Variants in PPP1R1C observed in about 807,000 individuals in gnomAD.
PPP1R1C encodes the protein protein phosphatase 1 regulatory subunit 1C.
PPP1R1C carries 15 observed loss-of-function variants against 17.4 expected under a neutral mutation model. The observed-to-expected ratio is 0.86, with a 90% CI of 0.58 to 1.33. The LOEUF (loss-of-function observed/expected upper bound fraction) is 1.33. Ranked by LOEUF, PPP1R1C falls within the 40% of genes most tolerant of loss-of-function variation. The pLI is 0.00. For missense variants in PPP1R1C, 143 were observed against 130.0 expected, an observed-to-expected ratio of 1.10 and a Z score of -0.48; for synonymous variants, 35 against 43.1, an observed-to-expected ratio of 0.81 and a Z score of 0.73.
intron 2 of PPP1R1C, among the ~76,000 whole-genome samples, chr2:182,014,904 T>C (rs183796895): frequency 6.6e-6 from 1 of 151,476 alleles, no homozygotes; most frequent in East Asian, 2.0e-4. Flanking sequence ...AGTCAGCTTG[T>C]AGTGAACGCT....
At chr2:182,020,387 T>C in intron 2 of PPP1R1C, among the ~76,000 whole-genome samples, 1 of 152,192 alleles carries the variant, frequency 6.6e-6, no homozygotes, top group Non-Finnish European at 1.5e-5. Context: ...ACTGTGCAAC[T>C]TGTACTTTCC....
intron 1 of PPP1R1C, among the ~76,000 whole-genome samples, chr2:181,969,046 T>G (rs976008004): frequency 6.6e-5 from 10 of 152,186 alleles, no homozygotes; most frequent in Admixed American, 2.6e-4. Flanking sequence ...TATTTGTGTC[T>G]TATTGTACTT....
intron 2 of PPP1R1C, among the ~76,000 whole-genome samples, chr2:182,036,277 G>A (rs1361367817): frequency 2.0e-5 from 3 of 152,104 alleles, no homozygotes; most frequent in Admixed American, 6.5e-5. Context: ...TATGTGACTT[G>A]CTTCTTTTAT....
rs576654942 is a variant in PPP1R1C at position 182,073,545 on chromosome 2, A to G, written c.241+9754A>G. ...CTAATACAGTCCCTGTTTATATGAAAAATGTTGTCAAATGAAAAAGAAAGT... is the reference window on the plus strand; with the variant it reads ...CTAATACAGTCCCTGTTTATATGAAGAATGTTGTCAAATGAAAAAGAAAGT... On this transcript the variant is annotated intron_variant, in intron 4 of 4. Transcript: ENST00000682840. Among the ~76,000 whole-genome samples, 4 of 152,348 alleles carry G rather than the reference A, an allele frequency of 2.6e-5. No homozygotes were observed. In the South Asian group the frequency reaches 8.3e-4, roughly 32 times the overall value.
chr2:182,076,711 T>G (rs1459240757), intron 4 of PPP1R1C, among the ~76,000 whole-genome samples: 3 of 152,214 alleles, frequency 2.0e-5, no homozygotes, highest in Non-Finnish European at 2.9e-5. Flanking sequence ...CAAAATACTT[T>G]TCTATTAATC....
chr2:182,068,823 A>G (rs1425261484), intron 4 of PPP1R1C, among the ~76,000 whole-genome samples: 2 of 152,228 alleles, frequency 1.3e-5, no homozygotes, highest in East Asian at 3.8e-4. Context: ...GAAGGAAATC[A>G]TCACACCATA....
At chr2:181,998,028 G>T (rs1685662614) in intron 2 of PPP1R1C, among the ~76,000 whole-genome samples, 1 of 152,138 alleles carries the variant, frequency 6.6e-6, no homozygotes, top group Non-Finnish European at 1.5e-5. Flanking sequence ...GACACATATT[G>T]CTTTATTCTG....
At chr2:182,029,020 G>T (rs936471940) in intron 2 of PPP1R1C, among the ~76,000 whole-genome samples, 10 of 141,988 alleles carry the variant, frequency 7.0e-5, no homozygotes, top group Admixed American at 6.4e-4. Context: ...TTTTATCAGA[G>T]ACTAGGATTG....
chr2:182,041,734 A>G (rs1687190749), intron 2 of PPP1R1C, among the ~76,000 whole-genome samples: 1 of 152,166 alleles, frequency 6.6e-6, no homozygotes, highest in Non-Finnish European at 1.5e-5. Context: ...AAATTATCAT[A>G]GTAGACCAAA....
intron 2 of PPP1R1C, among the ~76,000 whole-genome samples, chr2:181,990,560 T>C (rs1685447349): frequency 1.3e-5 from 2 of 152,160 alleles, no homozygotes; most frequent in African/African-American, 4.8e-5. Flanking sequence ...AATTGCAAAG[T>C]GCAACAAAGA....
intron 2 of PPP1R1C, among the ~76,000 whole-genome samples, chr2:181,988,929 C>G (rs1039818517): frequency 6.6e-6 from 1 of 152,086 alleles, no homozygotes; most frequent in South Asian, 2.1e-4. Context: ...GATCCTATAA[C>G]TTTAGGGTGC....
At chr2:182,026,573 C>T (rs1462192907) in intron 2 of PPP1R1C, among the ~76,000 whole-genome samples, 1 of 151,328 alleles carries the variant, frequency 6.6e-6, no homozygotes, top group Non-Finnish European at 1.5e-5. Flanking sequence ...ATCTATATCT[C>T]TGTTTTGGTA....
At chr2:182,011,003 G>A (rs1686074474) in intron 2 of PPP1R1C, among the ~76,000 whole-genome samples, 1 of 152,078 alleles carries the variant, frequency 6.6e-6, no homozygotes, top group South Asian at 2.1e-4. Flanking sequence ...TCTTTTTAAT[G>A]TGTTATTGAA....
In PPP1R1C at chr2:182,061,540, G is replaced by C. The variant is rs187788273; in HGVS notation, c.180+61G>C. 72 of 1,098,550 alleles carry C rather than the reference G, an allele frequency of 6.6e-5. No homozygotes were observed. The Admixed American group carries it at 2.1e-3, about 33-fold the overall frequency. The allele number at this position is 1,098,550 out of a possible 1,614,324, so 68.1% of individuals were successfully genotyped here. On this transcript the variant is annotated intron_variant, in intron 3 of 4. Coordinates refer to ENST00000682840, the MANE Select transcript of PPP1R1C (RefSeq NM_001080545.3). Reference sequence around the variant, plus strand: ...AAATCAATTAAAAATGCAAAAATTTGCTTGATTTGATGTGATATAAATAAT... The same window carrying C: ...AAATCAATTAAAAATGCAAAAATTTCCTTGATTTGATGTGATATAAATAAT...
upstream of PPP1R1C, chr2:181,985,814 C>T (rs1685280782): frequency 4.8e-6 from 2 of 415,692 alleles, no homozygotes; most frequent in East Asian, 4.1e-5. This position sits in a 1 kb window ranked among gnomAD's most constrained non-coding sequence, Gnocchi z 4.1. Flanking sequence ...TGAGTGAATG[C>T]TTGGCATGTG....
At chr2:182,084,250 G>A (rs1234232197) in intron 4 of PPP1R1C, among the ~76,000 whole-genome samples, 2 of 151,924 alleles carry the variant, frequency 1.3e-5, no homozygotes, top group African/African-American at 4.8e-5. Context: ...TTCTTTTTCT[G>A]TGCAGGAGCT....
chr2:181,982,393 G>A (rs1406814647), upstream of PPP1R1C, among the ~76,000 whole-genome samples: 1 of 152,190 alleles, frequency 6.6e-6, no homozygotes, highest in Non-Finnish European at 1.5e-5. Flanking sequence ...TTTCTTGATA[G>A]TATTAGATAA....
intron 4 of PPP1R1C, among the ~76,000 whole-genome samples, chr2:182,065,828 A>G (rs1687968890): frequency 6.6e-6 from 1 of 152,160 alleles, no homozygotes; most frequent in Non-Finnish European, 1.5e-5. Flanking sequence ...ATATCTAAAT[A>G]TTTCAAGATA....
chr2:182,066,710 A>G (rs1459211934), intron 4 of PPP1R1C, among the ~76,000 whole-genome samples: 3 of 152,150 alleles, frequency 2.0e-5, no homozygotes, highest in Non-Finnish European at 4.4e-5. Flanking sequence ...CTTTTTCATT[A>G]TCTTGTGTAA....
Sources: allele counts gnomAD v4.1 joint callset (sites outside exome capture counted in the v4.1 genomes callset), GRCh38; gene constraint gnomAD v4.1.1; non-coding constraint Gnocchi (gnomAD v3.1); transcripts MANE v1.5; gene names NCBI Gene and HGNC (gene_info 2026-07-23, HGNC 2026-07-21).